Variants in PDE1C observed in about 807,000 individuals in gnomAD.
PDE1C encodes the protein phosphodiesterase 1C.
PDE1C carries 62 observed loss-of-function variants against 93.1 expected under a neutral mutation model. That is an observed-to-expected ratio of 0.67 (90% CI 0.54 to 0.82). The LOEUF is 0.82. PDE1C is among the 40% of genes least tolerant of loss of function. The pLI is 0.00. For synonymous variants in PDE1C, 325 were observed against 310.1 expected (o/e 1.05, Z -0.50); for missense variants, 742 against 884.6 (o/e 0.84, Z 2.04).
At chr7:32,032,514 A>G (rs1446341612) in intron 2 of PDE1C, among the ~76,000 whole-genome samples, 1 of 152,216 alleles carries the variant, frequency 6.6e-6, no homozygotes, top group African/African-American at 2.4e-5. Context: ...TGACAGGAAC[A>G]CTGATTCCCA....
rs545189412 is a variant in PDE1C, at chr7:31,895,284, T to C, written c.129-14424A>G. On this transcript the variant is annotated intron_variant, in intron 2 of 17. Coordinates refer to ENST00000396191, the MANE Select transcript of PDE1C (RefSeq NM_001191057.4). ...TACAGCCAGACCTCAGCTGGATCCA[T>C]AGTGCCAGGAGGAGCTGAACAGGGA... Among the ~76,000 whole-genome samples the C allele has an allele frequency of 2.6e-5, 4 of 152,186 alleles. No individual in the cohort carries two copies. In the South Asian group the frequency reaches 8.3e-4, roughly 32 times the overall value.
At chr7:31,808,362 A>G (rs1173307238) in intron 16 of PDE1C, 1 of 268,408 alleles carries the variant, frequency 3.7e-6, no homozygotes, top group African/African-American at 2.3e-5. Context: ...TAGCTGAAAC[A>G]ATGAAGTTTA....
At chr7:32,249,920 A>G (rs901203320) in intron 1 of PDE1C, among the ~76,000 whole-genome samples, 27 of 152,234 alleles carry the variant, frequency 1.8e-4, no homozygotes, top group African/African-American at 6.3e-4. Flanking sequence ...AGAGTATCAA[A>G]TAAAGAATAT....
At chr7:32,251,855 C>T (rs142379239) in intron 1 of PDE1C, among the ~76,000 whole-genome samples, 62 of 152,322 alleles carry the variant, frequency 4.1e-4, no homozygotes, top group African/African-American at 1.4e-3. Context: ...CCATGGCCAT[C>T]AGCCCAGGGT....
At chr7:31,658,700 G>A in the PDE1C span, 4 of 165,776 alleles carry the variant, frequency 2.4e-5, no homozygotes, top group Non-Finnish European at 5.2e-5. Flanking sequence ...CCCAAACTCA[G>A]CCTCTAATTG....
Position 31,816,035 on chromosome 7 carries a change from T to C in PDE1C, c.1702A>G (p.Thr568Ala). Residue 568 changes from threonine (T) to alanine (A), a missense_variant, in exon 15 of 18, where the codon ACG becomes GCG. Coordinates refer to ENST00000396191, the MANE Select transcript of PDE1C (RefSeq NM_001191057.4). ...ACTTGATTCTTAGTTTCTCCAGACG[T>C]CTTTTTCTCAGCTTTGCCAGATGCG... ...EGASGKAEKK[T>A]SGETKNQVNG... The C allele has an allele frequency of 6.2e-7, 1 of 1,614,062 alleles. No homozygotes were observed. The highest frequency in any genetic ancestry group is 1.1e-5 in the South Asian group (1 of 91,080).
chr7:32,368,474 C>T (rs144671530), intron 1 of PDE1C, among the ~76,000 whole-genome samples: 3 of 152,034 alleles, frequency 2.0e-5, no homozygotes, highest in Non-Finnish European at 4.4e-5. Context: ...ACAAGAAAAA[C>T]TATAAAACAC....
intron 3 of PDE1C, among the ~76,000 whole-genome samples, chr7:32,119,453 T>C (rs189372085): frequency 7.9e-5 from 12 of 152,182 alleles, no homozygotes; most frequent in Admixed American, 2.0e-4. Flanking sequence ...TGGTAAACTT[T>C]CCAAACACTG....
At chr7:31,969,062 T>C (rs1810493974) in intron 2 of PDE1C, among the ~76,000 whole-genome samples, 2 of 152,154 alleles carry the variant, frequency 1.3e-5, no homozygotes, top group South Asian at 4.1e-4. Flanking sequence ...ATTCAGGATA[T>C]AGGCATGGGC....
At chr7:32,389,764 T>C (rs1784717570) in intron 1 of PDE1C, among the ~76,000 whole-genome samples, 1 of 152,220 alleles carries the variant, frequency 6.6e-6, no homozygotes, top group Admixed American at 6.5e-5. Flanking sequence ...TTAAAACATA[T>C]TTTCATTAAT....
chr7:31,895,075 G>A (rs948061318), intron 2 of PDE1C, among the ~76,000 whole-genome samples: 1 of 152,188 alleles, frequency 6.6e-6, no homozygotes, highest in Non-Finnish European at 1.5e-5. Context: ...CTGCATCTGA[G>A]ATAGAGGAAG....
At chr7:31,863,130 A>T (rs1562937615) in intron 7 of PDE1C, among the ~76,000 whole-genome samples, 1 of 152,110 alleles carries the variant, frequency 6.6e-6, no homozygotes, top group Non-Finnish European at 1.5e-5. Flanking sequence ...TGCCTTTTCC[A>T]TTTATTTAAA....
chr7:32,424,426 G>A (rs1785490398), intron 1 of PDE1C, among the ~76,000 whole-genome samples: 1 of 152,144 alleles, frequency 6.6e-6, no homozygotes, highest in Admixed American at 6.6e-5. Flanking sequence ...CAGGACCAAT[G>A]TACTTTCCCT....
chr7:31,958,533 T>C (rs1280904804), intron 2 of PDE1C, among the ~76,000 whole-genome samples: 1 of 152,208 alleles, frequency 6.6e-6, no homozygotes, highest in Non-Finnish European at 1.5e-5. Flanking sequence ...TAATTTCCAA[T>C]CTTCACATAT....
chr7:32,387,503 G>A (rs80033316), intron 1 of PDE1C, among the ~76,000 whole-genome samples: 76,482 of 125,046 alleles, frequency 0.61, 20,359 homozygotes, highest in East Asian at 0.8. Flanking sequence ...CGGGCGGGGG[G>A]CTGACCCCCC....
intron 3 of PDE1C, among the ~76,000 whole-genome samples, chr7:32,168,302 T>C (rs1802430428): frequency 6.6e-6 from 1 of 152,178 alleles, no homozygotes; most frequent in South Asian, 2.1e-4. Flanking sequence ...ATGACATTCA[T>C]GGGCATCAAT....
intron 2 of PDE1C, among the ~76,000 whole-genome samples, chr7:31,920,172 G>T (rs1407391622): frequency 3.3e-5 from 5 of 152,146 alleles, no homozygotes; most frequent in African/African-American, 1.2e-4. Flanking sequence ...CATACACTGA[G>T]TCCCTGCTTC....
At chr7:31,732,287 A>T in the PDE1C span, among the ~76,000 whole-genome samples, 1 of 152,150 alleles carries the variant, frequency 6.6e-6, no homozygotes, top group Non-Finnish European at 1.5e-5. Context: ...CACCACCTGG[A>T]CATCAATGTC....
chr7:31,747,026 A>G (rs114006972), downstream of PDE1C, among the ~76,000 whole-genome samples: 2,232 of 152,260 alleles, frequency 0.015, 50 homozygotes, highest in East Asian at 0.039. Context: ...AGAGGACACA[A>G]TCAATCCTGG....
Sources: gnomAD v4.1 joint callset for allele counts (sites outside exome capture counted in the v4.1 genomes callset) on GRCh38, gnomAD v4.1.1 for gene constraint, MANE v1.5 for transcripts, NCBI Gene and HGNC (gene_info 2026-07-23, HGNC 2026-07-21) for gene names.